Variants in AASS observed in about 807,000 individuals in gnomAD.
The protein encoded by AASS is aminoadipate-semialdehyde synthase.
In AASS, 86 loss-of-function variants were observed where a neutral mutation model predicts 105.4. The observed-to-expected ratio is 0.82, with a 90% CI of 0.69 to 0.98. AASS has a LOEUF of 0.98. Ranked by LOEUF, AASS falls within the 50% of genes least tolerant of loss-of-function variation. The pLI is 0.00. For missense variants in AASS, 1,048 were observed against 1,143.2 expected (o/e 0.92, Z 1.20); for synonymous variants, 381 against 394.8 (o/e 0.96, Z 0.41).
intron 15 of AASS, among the ~76,000 whole-genome samples, chr7:122,097,631 C>G (rs1474554305): frequency 6.6e-6 from 1 of 151,936 alleles, no homozygotes; most frequent in Non-Finnish European, 1.5e-5. Context: ...TCATGTAATT[C>G]TGTGTCTAGA....
At chr7:122,136,037 A>T (rs753683605) in intron 1 of AASS, among the ~76,000 whole-genome samples, 6 of 152,178 alleles carry the variant, frequency 3.9e-5, no homozygotes, top group Non-Finnish European at 7.4e-5. Context: ...GAATGATAAA[A>T]CTTAGTTTTC....
chr7:122,133,423 G>GAC (rs1389418403), intron 2 of AASS, 94 bp downstream of exon 2: 1 of 1,316,200 alleles, frequency 7.6e-7, no homozygotes, highest in Non-Finnish European at 1.1e-6. Context: ...AAATCAAAGT[G>GAC]ACACTAGCAA....
intron 11 of AASS, among the ~76,000 whole-genome samples, chr7:122,105,846 A>C (rs2150527787): frequency 6.6e-6 from 1 of 152,176 alleles, no homozygotes; most frequent in African/African-American, 2.4e-5. Flanking sequence ...AACTGAACCC[A>C]AAATTAGTAG....
chr7:122,119,648 C>T lies in AASS; in HGVS notation c.473-1018G>A, dbSNP rs560593848. On this transcript the variant is annotated intron_variant, in intron 4 of 23. Coordinates refer to ENST00000417368, the MANE Select transcript of AASS (RefSeq NM_005763.4). ...GAAATAGTTTACATACAACATAATGCACCCATTTAAAATGTATAGTTTGGT... is the reference window on the plus strand; with the variant it reads ...GAAATAGTTTACATACAACATAATGTACCCATTTAAAATGTATAGTTTGGT... Among the ~76,000 whole-genome samples, 12 of 152,240 alleles carry T rather than the reference C, an allele frequency of 7.9e-5. No homozygotes were observed. The East Asian group carries it at 1.4e-3, about 17-fold the overall frequency.
chr7:122,081,317 C>T (rs1793309253), intron 20 of AASS, among the ~76,000 whole-genome samples, 183 bp downstream of exon 20: 2 of 152,056 alleles, frequency 1.3e-5, no homozygotes, highest in Admixed American at 1.3e-4. Context: ...ATGTGTCAGC[C>T]CCACACCCTC....
rs1205435484 is a variant in AASS, at chr7:122,076,590, CT to C, written c.2679del (p.Gly894AlafsTer2). On this transcript the variant is annotated frameshift_variant, in exon 24 of 24. Transcript: ENST00000417368. LOFTEE classifies it high-confidence loss of function. ...TCCTTTGAAAAGGGCCCCATTAGGC[CT>C]TTGGCTCCAATTTCACCTGGAAGAA... is the stretch of plus-strand genomic sequence containing the variant. ...KMLLDGEIGAKGLMGPFSKEI... is the reference protein window; with the variant it reads ...KMLLDGEIGAXGLMGPFSKEI... The C allele has an allele frequency of 6.2e-7, 1 of 1,612,854 alleles. No homozygotes were observed. The highest frequency in any genetic ancestry group is 1.3e-5 in the African/African-American group (1 of 75,004).
intron 1 of AASS, among the ~76,000 whole-genome samples, chr7:122,136,632 CA>C: frequency 6.6e-6 from 1 of 152,218 alleles, no homozygotes. Flanking sequence ...AAACCAATTC[CA>C]AAGATAGTGA....
At chr7:122,113,812 T>C (rs1795044051) in intron 9 of AASS, 92 bp from the exon 10 acceptor site, 7 of 1,438,126 alleles carry the variant, frequency 4.9e-6, no homozygotes, top group Non-Finnish European at 6.7e-6. Context: ...ATTTTCAATG[T>C]GGATCCCAAA....
chr7:122,112,283 T>C (rs576153445), intron 11 of AASS, among the ~76,000 whole-genome samples: 11 of 152,360 alleles, frequency 7.2e-5, no homozygotes, highest in Middle Eastern at 3.4e-3. Flanking sequence ...GTAGGTGCAA[T>C]ATCATGTCTA....
chr7:122,135,812 A>C (rs1464173267), intron 1 of AASS, among the ~76,000 whole-genome samples: 1 of 152,166 alleles, frequency 6.6e-6, no homozygotes, highest in Non-Finnish European at 1.5e-5. Context: ...AAATTAAAGA[A>C]ATTAAAGTGA....
chr7:122,139,226 G>A (rs1276703998), intron 1 of AASS, among the ~76,000 whole-genome samples: 2 of 152,114 alleles, frequency 1.3e-5, no homozygotes, highest in Admixed American at 1.3e-4. Context: ...TGGGACAAAT[G>A]CTTTTGATTC....
intron 11 of AASS, among the ~76,000 whole-genome samples, chr7:122,111,856 A>G (rs1013431426): frequency 5.9e-5 from 9 of 152,148 alleles, no homozygotes; most frequent in African/African-American, 2.2e-4. Flanking sequence ...GTGAGCCGCA[A>G]TTGCATCACT....
intron 11 of AASS, among the ~76,000 whole-genome samples, chr7:122,112,101 T>C (rs1794969859): frequency 6.6e-6 from 1 of 152,160 alleles, no homozygotes; most frequent in South Asian, 2.1e-4. Flanking sequence ...TCCAGACACA[T>C]TGCAGATCCA....
chr7:122,116,945 T>C lies in AASS; in HGVS notation c.700A>G (p.Ile234Val). The change falls in exon 7 of 24, where the codon ATC becomes GTC. Residue 234 changes from isoleucine (I) to valine (V), a missense_variant. Transcript: ENST00000417368. ...TATTCACAAGGTAGCTCATTAAAGA[T>C]TGCTTGGGCTCCCTACAAATAACAC... ...TGNVSKGAQA[I>V]FNELPCEYVE... The C allele has an allele frequency of 6.2e-7, 1 of 1,613,860 alleles. No individual in the cohort carries two copies. Among genetic ancestry groups the C allele is most frequent in the Non-Finnish European group, 8.5e-7 (1 of 1,179,952 alleles).
Position 122,073,853 on chromosome 7 carries a change from C to T in AASS, c.*2636G>A, listed in dbSNP as rs1212597118. 2.6e-5 allele frequency among the ~76,000 whole-genome samples: 4 copies of T among 152,140 alleles called. No individual in the cohort carries two copies. On this transcript the variant is annotated 3_prime_UTR_variant, in exon 24 of 24. Coordinates refer to ENST00000417368, the MANE Select transcript of AASS (RefSeq NM_005763.4). ...ATAATATGTGGCCTTTCATGTCTGG[C>T]ATTCTTCACTTGATATGTTTTCAAG...
At chr7:122,085,934 A>C in intron 19 of AASS, 78 bp downstream of exon 19, 1 of 1,516,884 alleles carries the variant, frequency 6.6e-7, no homozygotes, top group Non-Finnish European at 9.1e-7. Context: ...AATTATTTTG[A>C]CTACTAAGAA....
At chr7:122,115,309 G>A (rs2150535779) in intron 8 of AASS, 87 bp from the exon 9 acceptor site, 4 of 1,484,822 alleles carry the variant, frequency 2.7e-6, no homozygotes, top group African/African-American at 1.4e-5. Context: ...TAAATTCTAT[G>A]AGAAATAATT....
At chr7:122,118,700 C>T in intron 4 of AASS, 70 bp from the exon 5 acceptor site, 1 of 1,466,764 alleles carries the variant, frequency 6.8e-7, no homozygotes, top group Non-Finnish European at 9.4e-7. Context: ...TCTGCTCGTT[C>T]TCCAATCTGC....
At chr7:122,105,860 C>T (rs1794642774) in intron 11 of AASS, among the ~76,000 whole-genome samples, 1 of 151,592 alleles carries the variant, frequency 6.6e-6, no homozygotes, top group Admixed American at 6.6e-5. Context: ...TTAGTAGACA[C>T]AAAGAAATAA....
Sources: gnomAD v4.1 joint callset for allele counts (sites outside exome capture counted in the v4.1 genomes callset) on GRCh38, gnomAD v4.1.1 for gene constraint, MANE v1.5 for transcripts, NCBI Gene and HGNC (gene_info 2026-07-23, HGNC 2026-07-21) for gene names.